PTPRD: variants seen among roughly 807,000 people sequenced by gnomAD.
PTPRD encodes the protein protein tyrosine phosphatase receptor type D, also known as receptor-type tyrosine-protein phosphatase delta.
Under a neutral mutation model 214.5 loss-of-function variants are expected in PTPRD, and 34 were observed. The observed-to-expected ratio is 0.16, with a 90% CI of 0.12 to 0.21. The LOEUF (loss-of-function observed/expected upper bound fraction) is 0.21, where lower values mean the gene tolerates loss of function less well. Ranked by LOEUF, PTPRD falls within the 10% of genes least tolerant of loss-of-function variation. The pLI, the probability that PTPRD is intolerant of heterozygous loss-of-function variation, is 1.00. For synonymous variants in PTPRD, 1,128 were observed against 845.7 expected (o/e 1.33, Z -5.79); for missense variants, 2,545 against 2,398.7 (o/e 1.06, Z -1.27).
intron 44 of PTPRD, among the ~76,000 whole-genome samples, chr9:8,323,376 A>G (rs1830380297): frequency 2.0e-5 from 3 of 152,332 alleles, no homozygotes; most frequent in Middle Eastern, 6.8e-3. Context: ...TTATAAGGCT[A>G]TACATTCTAT....
chr9:8,453,955 A>T (rs150516677), intron 33 of PTPRD, among the ~76,000 whole-genome samples: 38 of 152,348 alleles, frequency 2.5e-4, no homozygotes, highest in Non-Finnish European at 4.6e-4. Context: ...TATATGTTAC[A>T]TGTGTATATT....
intron 11 of PTPRD, among the ~76,000 whole-genome samples, chr9:8,985,225 T>C (rs139729872): frequency 5.5e-4 from 83 of 152,184 alleles, no homozygotes; most frequent in African/African-American, 1.9e-3. Context: ...ACCAAGGATA[T>C]ACTAGGCATA....
chr9:9,758,858 T>C (rs902296251), intron 6 of PTPRD, among the ~76,000 whole-genome samples: 7 of 150,434 alleles, frequency 4.7e-5, no homozygotes, highest in South Asian at 4.2e-4. Flanking sequence ...AGGTTGAAGA[T>C]TTAAAATAAT....
intron 14 of PTPRD, among the ~76,000 whole-genome samples, chr9:8,578,379 A>C (rs553698428): frequency 3.3e-5 from 5 of 150,042 alleles, no homozygotes; most frequent in Non-Finnish European, 5.9e-5. Flanking sequence ...TATATAGTCT[A>C]TTTATTAAAC....
intron 3 of PTPRD, among the ~76,000 whole-genome samples, chr9:10,217,337 C>T (rs1564589858): frequency 6.6e-6 from 1 of 151,666 alleles, no homozygotes; most frequent in Non-Finnish European, 1.5e-5. Context: ...AGATTAGCCT[C>T]TGAGACCTGA....
chr9:9,306,563 C>CAAAAA (rs142369340), intron 9 of PTPRD, among the ~76,000 whole-genome samples: 1 of 79,140 alleles, frequency 1.3e-5, no homozygotes, highest in Non-Finnish European at 2.3e-5. Flanking sequence ...GACTCCGTCT[C>CAAAAA]AAAAAAAAAA....
intron 2 of PTPRD, among the ~76,000 whole-genome samples, chr9:10,447,939 A>G (rs73408159): frequency 0.015 from 2,330 of 152,142 alleles, 75 homozygotes; most frequent in African/African-American, 0.047. Flanking sequence ...GAGAATAATC[A>G]TACTGTCTAA....
chr9:8,743,617 A>C (rs1016426140), intron 11 of PTPRD, among the ~76,000 whole-genome samples: 1 of 152,162 alleles, frequency 6.6e-6, no homozygotes, highest in Non-Finnish European at 1.5e-5. Context: ...TGAATCAAAG[A>C]GTTATATCTA....
intron 7 of PTPRD, among the ~76,000 whole-genome samples, chr9:9,689,434 T>A (rs546116607): frequency 6.6e-6 from 1 of 152,066 alleles, no homozygotes; most frequent in African/African-American, 2.4e-5. Context: ...TTGATGCATT[T>A]ATATAACATG....
intron 8 of PTPRD, among the ~76,000 whole-genome samples, chr9:9,495,068 T>A (rs1343702613): frequency 6.6e-6 from 1 of 152,066 alleles, no homozygotes; most frequent in African/African-American, 2.4e-5. Flanking sequence ...TGGGGGAAAC[T>A]ATAGTCTTTT....
At chr9:8,964,190 GTGTTTTTTTTTTT>G (rs1371808224) in intron 11 of PTPRD, among the ~76,000 whole-genome samples, 55 of 52,952 alleles carry the variant, frequency 1.0e-3, no homozygotes, top group African/African-American at 3.8e-3. Context: ...GTTCAGGGCT[GTGTTTTTTTTTTT>G]TTTTTTTTTT....
At chr9:9,690,172 T>C (rs2097243213) in intron 7 of PTPRD, among the ~76,000 whole-genome samples, 1 of 151,934 alleles carries the variant, frequency 6.6e-6, no homozygotes, top group Admixed American at 6.6e-5. Context: ...TGTCTTTGGA[T>C]ATAAGCCATT....
intron 10 of PTPRD, among the ~76,000 whole-genome samples, chr9:9,140,824 C>G (rs995674765): frequency 6.6e-6 from 1 of 152,086 alleles, no homozygotes; most frequent in Non-Finnish European, 1.5e-5. Context: ...GTGATCTGCC[C>G]GCCTCAGCCT....
chr9:8,426,756 G>A (rs1425755099), intron 35 of PTPRD, among the ~76,000 whole-genome samples: 1 of 150,154 alleles, frequency 6.7e-6, no homozygotes, highest in African/African-American at 2.4e-5. Flanking sequence ...GCTCTACTAT[G>A]AAAGATACGA....
intron 5 of PTPRD, among the ~76,000 whole-genome samples, chr9:9,786,350 T>C (rs938915046): frequency 1.3e-5 from 2 of 152,248 alleles, no homozygotes; most frequent in Non-Finnish European, 2.9e-5. Flanking sequence ...GTTATATTCA[T>C]GGTGGAAAAC....
chr9:8,318,304 C>G (rs1244847628), intron 45 of PTPRD, among the ~76,000 whole-genome samples: 1 of 152,038 alleles, frequency 6.6e-6, no homozygotes, highest in East Asian at 1.9e-4. Context: ...GAAAATCATC[C>G]TTTACAATTA....
intron 7 of PTPRD, among the ~76,000 whole-genome samples, chr9:9,725,951 T>G (rs954467761): frequency 6.6e-6 from 1 of 152,160 alleles, no homozygotes; most frequent in African/African-American, 2.4e-5. Flanking sequence ...AGGACAGTCA[T>G]GTAAAAGACA....
At chr9:9,707,899 A>C (rs2097654746) in intron 7 of PTPRD, among the ~76,000 whole-genome samples, 2 of 151,144 alleles carry the variant, frequency 1.3e-5, no homozygotes, top group Admixed American at 1.3e-4. Flanking sequence ...AGTACTCATT[A>C]TTTTCTCTCT....
chr9:9,332,353 C>T (rs1280873916), intron 9 of PTPRD, among the ~76,000 whole-genome samples: 1 of 151,524 alleles, frequency 6.6e-6, no homozygotes, highest in African/African-American at 2.4e-5. Context: ...AATATTTATC[C>T]CTCAGATAAC....
Sources: gnomAD v4.1 joint callset for allele counts (sites outside exome capture counted in the v4.1 genomes callset) on GRCh38, gnomAD v4.1.1 for gene constraint, MANE v1.5 for transcripts, NCBI Gene and HGNC (gene_info 2026-07-23, HGNC 2026-07-21) for gene names.